KICS2: variants seen among roughly 807,000 people sequenced by gnomAD.
KICS2 encodes the protein KICSTOR complex protein C12orf66.
KICS2 carries 13 observed loss-of-function variants against 31.4 expected under a neutral mutation model. The observed-to-expected ratio is 0.41, with a 90% CI of 0.27 to 0.66. KICS2 has a LOEUF of 0.66. Among genes scored for constraint, KICS2 ranks in the 30% least tolerant of loss-of-function variants. KICS2 has a pLI of 0.28. For synonymous variants in KICS2, 209 were observed against 214.8 expected, an observed-to-expected ratio of 0.97 and a Z score of 0.24; for missense variants, 455 against 545.4, an observed-to-expected ratio of 0.83 and a Z score of 1.65.
Position 64,196,358 on chromosome 12 carries a change from A to G in KICS2, c.522-1700T>C, listed in dbSNP as rs1322683071. On this transcript the variant is annotated intron_variant, in intron 2 of 2. Transcript: ENST00000398055. The stretch of plus-strand genomic sequence containing the variant: ...GGGGCAGACTGACACCTCACACGGC[A>G]GGGTATTCCAACAGACCTGCAGCTG... 4.3e-4 allele frequency among the ~76,000 whole-genome samples: 65 copies of G among 151,684 alleles called. 1 individual carries two copies. Among genetic ancestry groups the G allele is most frequent in the Middle Eastern group, 6.8e-3 (2 of 294 alleles).
At chr12:64,188,902 C>T (rs2037359537), downstream of KICS2, among the ~76,000 whole-genome samples, 1 of 152,082 alleles carries the variant, frequency 6.6e-6, no homozygotes, top group Non-Finnish European at 1.5e-5. Context: ...TGCCTGTAAT[C>T]CCAGCACTTT....
In KICS2 at chr12:64,216,109, T is replaced by TATAAATACTTTATGATAATC. The variant is rs1235426084; in HGVS notation, c.236-166_236-147dup. ...CCATATTCTCTGTCTATGATTGAGA[T>TATAAATACTTTATGATAATC]ATAAATACTTTATGATAATCATAAA... On this transcript the variant is annotated intron_variant, in intron 1 of 2. Coordinates refer to ENST00000398055, the MANE Select transcript of KICS2 (RefSeq NM_152440.5). 7.6e-3 allele frequency: 2,774 copies of TATAAATACTTTATGATAATC among 362,856 alleles called. 92 individuals carry two copies. The African/African-American group carries it at 0.085, about 11-fold the overall frequency. The allele number at this position is 362,856 out of a possible 1,614,324, so 22.5% of individuals were successfully genotyped here.
downstream of KICS2, chr12:64,186,504 C>T (rs2037340604): frequency 6.6e-6 from 1 of 152,314 alleles, no homozygotes; most frequent in African/African-American, 2.4e-5. Flanking sequence ...TATCAAAACT[C>T]TATTGTACCA....
Position 64,193,555 on chromosome 12 carries a change from A to T in KICS2, c.*287T>A. ...TATGGGAAAAAAAAAAGCCCAATAA[A>T]TATTCAATCTACAAGAAATATAGCA... On this transcript the variant is annotated 3_prime_UTR_variant, in exon 3 of 3. Coordinates refer to ENST00000398055, the MANE Select transcript of KICS2 (RefSeq NM_152440.5). 1.7e-6 allele frequency: 2 copies of T among 1,145,516 alleles called. No homozygotes were observed. The highest frequency in any genetic ancestry group is 2.1e-6 in the Non-Finnish European group (2 of 932,904). The allele number at this position is 1,145,516 out of a possible 1,614,324, so 71.0% of individuals were successfully genotyped here.
intron 2 of KICS2, among the ~76,000 whole-genome samples, chr12:64,214,600 C>T (rs966107888): frequency 2.0e-5 from 3 of 152,146 alleles, no homozygotes; most frequent in African/African-American, 7.2e-5. Context: ...CTCAACTCGG[C>T]TGGGCATGGT....
chr12:64,204,852 C>G (rs1250451493), intron 2 of KICS2: 2 of 151,972 alleles, frequency 1.3e-5, no homozygotes, highest in Non-Finnish European at 2.9e-5. Context: ...ATTAGCATGT[C>G]CCCTATACAA....
rs949225538 is a variant in KICS2 at position 64,195,713 on chromosome 12, C to G, written c.522-1055G>C. ...ACCGGGTTCATCTCACTAGGGAGTG[C>G]CAGACAGTGGGCGCAGGCCAGTGGG... On this transcript the variant is annotated intron_variant, in intron 2 of 2. Transcript: ENST00000398055. Among the ~76,000 whole-genome samples the G allele has an allele frequency of 2.0e-5, 3 of 152,248 alleles. No homozygotes were observed. The South Asian group carries it at 6.2e-4, about 32-fold the overall frequency.
intron 2 of KICS2, among the ~76,000 whole-genome samples, chr12:64,214,465 G>A (rs1297062249): frequency 6.6e-6 from 1 of 152,194 alleles, no homozygotes; most frequent in Non-Finnish European, 1.5e-5. Flanking sequence ...GAACTTATAA[G>A]AGAGAAAGAA....
Position 64,192,505 on chromosome 12 carries a change from G to T in KICS2, c.*1337C>A. 1 of 662,046 alleles carries T rather than the reference G, an allele frequency of 1.5e-6. No individual in the cohort carries two copies. The highest frequency in any genetic ancestry group is 1.9e-6 in the Non-Finnish European group (1 of 534,816). The allele number at this position is 662,046 out of a possible 1,614,324, so 41.0% of individuals were successfully genotyped here. ...GACTCTGAGGGGCTCTCTGGTCTCTGCTGATGTTGCTGGCATACCTGCTGT... is the reference window on the plus strand; with the variant it reads ...GACTCTGAGGGGCTCTCTGGTCTCTTCTGATGTTGCTGGCATACCTGCTGT... On this transcript the variant is annotated 3_prime_UTR_variant, in exon 3 of 3. Coordinates refer to ENST00000398055, the MANE Select transcript of KICS2 (RefSeq NM_152440.5).
In KICS2 at chr12:64,194,589, G is replaced by T; in HGVS notation, c.591C>A (p.Leu197=). ...CTGAGACCTGGGCCTGGGCTTTCAG[G>T]AGATGACACAGGACGTCAACTTCCA... is the stretch of plus-strand genomic sequence containing the variant. ...FQLEVDVLCH[L]LKAQAQVSEW... Residue 197 remains leucine (L), a synonymous_variant, in exon 3 of 3, where the codon CTC becomes CTA. Coordinates refer to ENST00000398055, the MANE Select transcript of KICS2 (RefSeq NM_152440.5). 1 of 1,614,186 alleles carries T rather than the reference G, an allele frequency of 6.2e-7. No homozygotes were observed. Among genetic ancestry groups the T allele is most frequent in the Non-Finnish European group, 8.5e-7 (1 of 1,180,036 alleles).
chr12:64,205,779 A>AGGAAGGAAAAAGGGAAGGAAAAAG (rs1555181733), intron 2 of KICS2, among the ~76,000 whole-genome samples: 1 of 133,428 alleles, frequency 7.5e-6, no homozygotes, highest in Admixed American at 7.8e-5. Context: ...GAAAAAGGGA[A>AGGAAGGAAAAAGGGAAGGAAAAAG]GGAAGGAAGG....
At chr12:64,210,441 G>A (rs1020005465) in intron 2 of KICS2, among the ~76,000 whole-genome samples, 12 of 152,156 alleles carry the variant, frequency 7.9e-5, no homozygotes, top group African/African-American at 2.9e-4. Context: ...GGGAAGTGGG[G>A]TGTTTCAAAG....
chr12:64,222,079 C>T lies in KICS2; in HGVS notation c.159G>A (p.Ser53=). The change falls in exon 1 of 3, where the codon TCG becomes TCA. Residue 53 remains serine, a synonymous_variant. Transcript: ENST00000398055. ...ANKSAGGSWL[S]LLAALAHLAA... is the part of the protein sequence containing the mutation. ...CCAGGTGCGCCAAGGCCGCCAGCAG[C>T]GACAGCCAGCTGCCCCCCGCGCTCT... The T allele has an allele frequency of 1.2e-6, 2 of 1,613,940 alleles. No individual in the cohort carries two copies. The highest frequency in any genetic ancestry group is 1.7e-6 in the Non-Finnish European group (2 of 1,179,928).
chr12:64,187,441 AC>A, downstream of KICS2: 1 of 592,880 alleles, frequency 1.7e-6, no homozygotes, highest in Non-Finnish European at 2.9e-6. Flanking sequence ...AATTTGAAGT[AC>A]CCTAGAAACA....
At position 64,220,793 on chromosome 12, in the gene KICS2, G is replaced by A. The variant is rs114995621; in HGVS notation, c.235+1210C>T. On this transcript the variant is annotated intron_variant, in intron 1 of 2. Coordinates refer to ENST00000398055, the MANE Select transcript of KICS2 (RefSeq NM_152440.5). Reference sequence around the variant, plus strand: ...GTACAAGGGCAGATATTTTGGTTTCGACTCTATCATCTACCCAACATAACT... The same window carrying A: ...GTACAAGGGCAGATATTTTGGTTTCAACTCTATCATCTACCCAACATAACT... Among the ~76,000 whole-genome samples the A allele has an allele frequency of 6.8e-3, 1,035 of 151,948 alleles. 18 individuals carry two copies. The highest frequency in any genetic ancestry group is 0.023 in the African/African-American group (971 of 41,434).
chr12:64,193,518 A>G lies in KICS2; in HGVS notation c.*324T>C. 9.3e-7 allele frequency: 1 copy of G among 1,073,594 alleles called. No individual in the cohort carries two copies. Among genetic ancestry groups the G allele is most frequent in the East Asian group, 6.9e-5 (1 of 14,456 alleles). The allele number at this position is 1,073,594 out of a possible 1,614,324, so 66.5% of individuals were successfully genotyped here. On this transcript the variant is annotated 3_prime_UTR_variant, in exon 3 of 3. Coordinates refer to ENST00000398055, the MANE Select transcript of KICS2 (RefSeq NM_152440.5). ...TGCAGTAGAACACAATGTTTAGAAC[A>G]ACAGAAAAACATATGGGAAAAAAAA...
intron 2 of KICS2, chr12:64,204,823 T>C (rs1312660131): frequency 6.6e-6 from 1 of 152,032 alleles, no homozygotes; most frequent in Non-Finnish European, 1.5e-5. Context: ...TATACTTAAA[T>C]TGGAATGATA....
At chr12:64,215,996 TAAG>T in intron 1 of KICS2, 33 bp from the exon 2 acceptor site, 1 of 1,573,922 alleles carries the variant, frequency 6.4e-7, no homozygotes, top group South Asian at 1.2e-5. Context: ...ACATGACAAG[TAAG>T]AAGGAGAAAC....
Position 64,194,707 on chromosome 12 carries a change from C to A in KICS2, c.522-49G>T, listed in dbSNP as rs1327014638. 4 of 1,526,888 alleles carry A rather than the reference C, an allele frequency of 2.6e-6. No homozygotes were observed. In the Admixed American group the frequency reaches 6.3e-5, roughly 24 times the overall value. 94.6% of individuals were successfully genotyped at this position (1,526,888 alleles called of 1,614,324 possible). On this transcript the variant is annotated intron_variant, in intron 2 of 2. Coordinates refer to ENST00000398055, the MANE Select transcript of KICS2 (RefSeq NM_152440.5). ...ATAAGTGGAAATGTTACTTCACTTG[C>A]CACACTGACATTTTTCTAACCACAA...
Sources: allele counts gnomAD v4.1 joint callset (sites outside exome capture counted in the v4.1 genomes callset), GRCh38; gene constraint gnomAD v4.1.1; transcripts MANE v1.5; gene names NCBI Gene and HGNC (gene_info 2026-07-23, HGNC 2026-07-21).